Variants in ASRGL1 observed in about 807,000 individuals in gnomAD.
ASRGL1 encodes asparaginase and isoaspartyl peptidase 1.
ASRGL1 carries 16 observed loss-of-function variants against 22.4 expected under a neutral mutation model. The observed-to-expected ratio is 0.71, with a 90% confidence interval of 0.48 to 1.08. The LOEUF is 1.08. ASRGL1 is among the 50% of genes least tolerant of loss of function. The pLI is 0.00. For missense variants in ASRGL1, 412 were observed against 410.1 expected (o/e 1.00, Z -0.04); for synonymous variants, 165 against 159.3 (o/e 1.04, Z -0.27).
At chr11:62,343,252 C>A (rs1450731968) in intron 2 of ASRGL1, among the ~76,000 whole-genome samples, 1 of 151,288 alleles carries the variant, frequency 6.6e-6, no homozygotes, top group Non-Finnish European at 1.5e-5. Flanking sequence ...GTGGTGGGCA[C>A]CTGTGGTCCC....
downstream of ASRGL1, among the ~76,000 whole-genome samples, chr11:62,397,287 C>CA: frequency 6.6e-6 from 1 of 152,182 alleles, no homozygotes; most frequent in Middle Eastern, 3.4e-3. Flanking sequence ...CTCGGCCTCC[C>CA]AAAGTGCTGG....
At position 62,392,659 on chromosome 11, in the gene ASRGL1, C is replaced by T. The variant is rs1010263413; in HGVS notation, c.*375C>T. The stretch of plus-strand genomic sequence containing the variant: ...ATGTGGGAGACCCACAGCCTGCAGA[C>T]ACTGTGGGCTGGAAGGTGGGAAGGG... On this transcript the variant is annotated 3_prime_UTR_variant, in exon 7 of 7. Coordinates refer to ENST00000415229, the MANE Select transcript of ASRGL1 (RefSeq NM_001083926.2). The T allele has an allele frequency of 6.2e-5, 16 of 257,810 alleles. No homozygotes were observed. The highest frequency in any genetic ancestry group is 6.0e-5 in the Non-Finnish European group (8 of 132,530). 16.0% of individuals were successfully genotyped at this position (257,810 alleles called of 1,614,324 possible).
chr11:62,369,301 T>TA (rs1297755915), intron 4 of ASRGL1, among the ~76,000 whole-genome samples: 1 of 152,168 alleles, frequency 6.6e-6, no homozygotes, highest in East Asian at 1.9e-4. Context: ...ACACAGCACA[T>TA]GTCTCTGCGA....
intron 4 of ASRGL1, among the ~76,000 whole-genome samples, chr11:62,358,742 A>G (rs761489965): frequency 1.1e-4 from 16 of 152,328 alleles, no homozygotes; most frequent in Non-Finnish European, 1.8e-4. Flanking sequence ...CCACTCAGCC[A>G]TCAAGGAAAT....
chr11:62,355,099 G>A (rs1946248948), intron 2 of ASRGL1, among the ~76,000 whole-genome samples: 1 of 151,486 alleles, frequency 6.6e-6, no homozygotes, highest in Non-Finnish European at 1.5e-5. Flanking sequence ...TATATTTTTA[G>A]TAGAGACAGG....
At chr11:62,394,907 A>G (rs531720014), downstream of ASRGL1, among the ~76,000 whole-genome samples, 4 of 152,256 alleles carry the variant, frequency 2.6e-5, no homozygotes, top group African/African-American at 9.6e-5. Flanking sequence ...TTTGCCCCAC[A>G]GCTTGTCCAT....
At chr11:62,360,598 A>G (rs1252731032) in intron 4 of ASRGL1, among the ~76,000 whole-genome samples, 1 of 152,214 alleles carries the variant, frequency 6.6e-6, no homozygotes, top group Non-Finnish European at 1.5e-5. Context: ...GTCTTCTTCC[A>G]GGGTGACCCA....
chr11:62,376,100 CAAAAAAAAAAAAA>C (rs35931241), intron 4 of ASRGL1, among the ~76,000 whole-genome samples: 1 of 51,552 alleles, frequency 1.9e-5, no homozygotes, highest in African/African-American at 7.6e-5. Flanking sequence ...GACTCCATCT[CAAAAAAAAAAAAA>C]AAAAAAAAAA....
At chr11:62,379,376 T>C (rs932475539) in intron 4 of ASRGL1, among the ~76,000 whole-genome samples, 1 of 152,196 alleles carries the variant, frequency 6.6e-6, no homozygotes, top group African/African-American at 2.4e-5. Flanking sequence ...ATATGCAGCC[T>C]TTCCTGCCGG....
At chr11:62,387,931 G>A (rs929410379) in intron 4 of ASRGL1, among the ~76,000 whole-genome samples, 5 of 152,148 alleles carry the variant, frequency 3.3e-5, no homozygotes, top group East Asian at 1.9e-4. Context: ...ACAGTCACGC[G>A]TCTCATGACA....
rs138935626 is a variant in ASRGL1, at chr11:62,363,233, G to A, written c.491+6089G>A. ...CAGGCGTGAACCACCATGCCTGGCC[G>A]ATTTAAATTTTTTTTAAGTTTATAG... On this transcript the variant is annotated intron_variant, in intron 4 of 6. Coordinates refer to ENST00000415229, the MANE Select transcript of ASRGL1 (RefSeq NM_001083926.2). Among the ~76,000 whole-genome samples the A allele has an allele frequency of 1.7e-3, 257 of 151,404 alleles. 1 individual carries two copies. The highest frequency in any genetic ancestry group is 5.9e-3 in the African/African-American group (245 of 41,298).
At chr11:62,367,174 TA>T (rs1946631390) in intron 4 of ASRGL1, among the ~76,000 whole-genome samples, 1 of 150,900 alleles carries the variant, frequency 6.6e-6, no homozygotes, top group African/African-American at 2.4e-5. Context: ...GCATCTCTAC[TA>T]AAAATGCAAA....
intron 4 of ASRGL1, chr11:62,371,401 G>C (rs905310412): frequency 1.0e-5 from 6 of 590,814 alleles, no homozygotes; most frequent in Non-Finnish European, 1.5e-5. Context: ...CGCCGAACCC[G>C]AGCACACCAA....
intron 4 of ASRGL1, 56 bp from the exon 5 acceptor site, chr11:62,389,077 T>G: frequency 6.9e-7 from 1 of 1,441,704 alleles, no homozygotes; most frequent in African/African-American, 1.4e-5. Flanking sequence ...CATTGTTGGT[T>G]ATGGTGTTCA....
chr11:62,371,034 G>C (rs1426048058), intron 4 of ASRGL1: 7 of 472,092 alleles, frequency 1.5e-5, no homozygotes, highest in African/African-American at 4.4e-5. Flanking sequence ...TGGAGCCCTC[G>C]TCTGGGCCAG....
At chr11:62,342,294 G>T (rs1445649694) in intron 2 of ASRGL1, among the ~76,000 whole-genome samples, 2 of 152,218 alleles carry the variant, frequency 1.3e-5, no homozygotes, top group East Asian at 3.8e-4. Context: ...GCTTGGACCA[G>T]TATAAGCCTT....
At chr11:62,348,967 G>T (rs942796072) in intron 2 of ASRGL1, among the ~76,000 whole-genome samples, 1 of 136,644 alleles carries the variant, frequency 7.3e-6, no homozygotes, top group Non-Finnish European at 1.6e-5. Context: ...TTGGTTTTTT[G>T]TGGTTTTTTT....
At chr11:62,358,311 G>A (rs952009024) in intron 4 of ASRGL1, among the ~76,000 whole-genome samples, 14 of 150,930 alleles carry the variant, frequency 9.3e-5, no homozygotes, top group African/African-American at 2.2e-4. Flanking sequence ...CAGAGGTTGC[G>A]GTGAGCCAAG....
intron 4 of ASRGL1, among the ~76,000 whole-genome samples, chr11:62,375,449 TATATATATA>T (rs1565169530): frequency 1.4e-5 from 1 of 71,860 alleles, no homozygotes; most frequent in Non-Finnish European, 2.7e-5. Context: ...TATATATATA[TATATATATA>T]TATATATATA....
Sources: gnomAD v4.1 joint callset for allele counts (sites outside exome capture counted in the v4.1 genomes callset) on GRCh38, gnomAD v4.1.1 for gene constraint, MANE v1.5 for transcripts, NCBI Gene and HGNC (gene_info 2026-07-23, HGNC 2026-07-21) for gene names.